CHRDL1: variants seen among roughly 807,000 people sequenced by gnomAD.
CHRDL1 encodes chordin like 1, also known as chordin-like protein 1.
CHRDL1 carries 19 observed loss-of-function variants against 40.9 expected under a neutral mutation model. The observed-to-expected ratio is 0.46, with a 90% CI of 0.32 to 0.68. The LOEUF (loss-of-function observed/expected upper bound fraction) is 0.68, where lower values mean the gene tolerates loss of function less well. Ranked by LOEUF, CHRDL1 falls within the 30% of genes least tolerant of loss-of-function variation. The pLI is 0.03. For synonymous variants in CHRDL1, 136 were observed against 123.4 expected (o/e 1.10, Z -0.68); for missense variants, 329 against 352.1 (o/e 0.93, Z 0.53).
chrX:110,771,335 A>C (rs1246403796), intron 2 of CHRDL1, among the ~76,000 whole-genome samples: 1 of 111,787 alleles, frequency 8.9e-6, no homozygotes, highest in Non-Finnish European at 1.9e-5. Flanking sequence ...TGAATATTTA[A>C]TGCAAGCTTT....
At position 110,717,765 on chromosome X, in the gene CHRDL1, G is replaced by T. The variant is rs5985547; in HGVS notation, c.541+2070C>A. Among the ~76,000 whole-genome samples, 134 of 111,963 alleles carry T rather than the reference G, an allele frequency of 1.2e-3. No homozygotes were observed. The Middle Eastern group carries it at 0.027, about 23-fold the overall frequency. ...TTGGCATAAAAATTTTTGAACAGGGGTGTAACACGGTGATGGATTGCTTTT... is the reference window on the plus strand; with the variant it reads ...TTGGCATAAAAATTTTTGAACAGGGTTGTAACACGGTGATGGATTGCTTTT... On this transcript the variant is annotated intron_variant, in intron 6 of 11. Transcript: ENST00000372042.
At chrX:110,736,665 T>A (rs1181196658) in intron 4 of CHRDL1, among the ~76,000 whole-genome samples, 1 of 111,791 alleles carries the variant, frequency 8.9e-6, no homozygotes, top group Non-Finnish European at 1.9e-5. Flanking sequence ...TACCACCTCA[T>A]CCCTGATTGA....
At chrX:110,722,189 G>T (rs1199738908) in intron 4 of CHRDL1, among the ~76,000 whole-genome samples, 1 of 109,575 alleles carries the variant, frequency 9.1e-6, no homozygotes, top group East Asian at 2.9e-4. Context: ...TAGAGATGGG[G>T]TTTCACCATG....
chrX:110,746,882 C>T (rs1158667949), intron 4 of CHRDL1, among the ~76,000 whole-genome samples: 3 of 111,787 alleles, frequency 2.7e-5, no homozygotes, highest in Admixed American at 9.5e-5. Context: ...CCCATATCAA[C>T]TTTCTTGTTC....
chrX:110,764,491 C>T (rs2089624879), intron 2 of CHRDL1, among the ~76,000 whole-genome samples: 1 of 112,198 alleles, frequency 8.9e-6, no homozygotes, highest in African/African-American at 3.2e-5. Flanking sequence ...TCTTCGTAAG[C>T]TAAGGATGTA....
chrX:110,769,903 G>T (rs2089725658), intron 2 of CHRDL1, among the ~76,000 whole-genome samples: 1 of 112,216 alleles, frequency 8.9e-6, no homozygotes, highest in Non-Finnish European at 1.9e-5. Context: ...AATATTAAAA[G>T]ATGTTCAACC....
intron 8 of CHRDL1, among the ~76,000 whole-genome samples, chrX:110,690,657 C>T (rs906095930): frequency 1.8e-5 from 2 of 110,897 alleles, no homozygotes; most frequent in Non-Finnish European, 3.8e-5. Context: ...TAATGGTGTT[C>T]GGCACTGTTT....
chrX:110,758,139 A>C (rs749694476), intron 4 of CHRDL1, among the ~76,000 whole-genome samples: 1 of 110,090 alleles, frequency 9.1e-6, no homozygotes, highest in Admixed American at 9.7e-5. Context: ...ACAAAAAAAA[A>C]AAAAACAAAG....
chrX:110,732,823 ATTTG>A (rs1212503799), intron 4 of CHRDL1, among the ~76,000 whole-genome samples: 4 of 111,153 alleles, frequency 3.6e-5, no homozygotes, highest in Non-Finnish European at 5.7e-5. Flanking sequence ...AAGTTGTACT[ATTTG>A]TTTGCTGTGT....
At chrX:110,679,840 C>A (rs1176683501) in intron 10 of CHRDL1, among the ~76,000 whole-genome samples, 2 of 112,152 alleles carry the variant, frequency 1.8e-5, no homozygotes, top group Non-Finnish European at 3.8e-5. Flanking sequence ...GCACTGAGAG[C>A]CTGCAGTGGG....
At chrX:110,742,138 TC>T (rs1321300927) in intron 4 of CHRDL1, among the ~76,000 whole-genome samples, 7 of 112,290 alleles carry the variant, frequency 6.2e-5, no homozygotes, top group Admixed American at 3.8e-4. Flanking sequence ...TCTCTTACTT[TC>T]TAAAGTAACC....
At chrX:110,795,349 T>A (rs1182252096) in intron 1 of CHRDL1, among the ~76,000 whole-genome samples, 1 of 111,975 alleles carries the variant, frequency 8.9e-6, no homozygotes, top group South Asian at 3.7e-4. Context: ...CCCTGCTACA[T>A]TAACTTTACC....
intron 8 of CHRDL1, among the ~76,000 whole-genome samples, chrX:110,693,608 A>G (rs1026491666): frequency 4.6e-5 from 5 of 109,387 alleles, no homozygotes; most frequent in Non-Finnish European, 9.5e-5. Flanking sequence ...TCCTGCCTCG[A>G]CCTCCCAAAG....
intron 4 of CHRDL1, among the ~76,000 whole-genome samples, chrX:110,744,907 C>A (rs1246071704): frequency 9.1e-6 from 1 of 109,822 alleles, no homozygotes; most frequent in African/African-American, 3.3e-5. Context: ...TTAATCCTCA[C>A]AACAGTCCTT....
At chrX:110,720,068 C>T in intron 5 of CHRDL1, 140 bp from the exon 6 acceptor site, 2 of 388,202 alleles carry the variant, frequency 5.2e-6, no homozygotes, top group Non-Finnish European at 9.0e-6. Context: ...CTCGGTACTT[C>T]CTACATTTTA....
intron 4 of CHRDL1, among the ~76,000 whole-genome samples, chrX:110,752,645 CCA>C (rs2089379675): frequency 1.8e-5 from 2 of 110,269 alleles, no homozygotes; most frequent in South Asian, 7.9e-4. Context: ...AACTCTGGAC[CCA>C]TATATATATA....
chrX:110,679,250 G>T (rs1030743237), intron 11 of CHRDL1, 86 bp downstream of exon 11: 1 of 639,400 alleles, frequency 1.6e-6, no homozygotes, highest in Non-Finnish European at 2.6e-6. Flanking sequence ...TGTTCACTGA[G>T]ATTGCGGAGG....
chrX:110,682,853 C>T lies in CHRDL1; in HGVS notation c.989-1204G>A, dbSNP rs183005850. Among the ~76,000 whole-genome samples the T allele has an allele frequency of 7.4e-3, 828 of 111,954 alleles. 6 individuals are homozygous for T. Among genetic ancestry groups the T allele is most frequent in the African/African-American group, 0.025 (780 of 30,804 alleles). On this transcript the variant is annotated intron_variant, in intron 9 of 11. Coordinates refer to ENST00000372042, the MANE Select transcript of CHRDL1 (RefSeq NM_001143981.2). ...GTGGAATCAAGCTTTTTGTTTTCCT[C>T]CTTTTGTCCTTCTTTTTAGCTATTT...
chrX:110,707,725 T>C (rs1168022921), intron 6 of CHRDL1, among the ~76,000 whole-genome samples: 1 of 111,885 alleles, frequency 8.9e-6, no homozygotes, highest in African/African-American at 3.3e-5. Context: ...ATTCAGGGCA[T>C]AGGCATGGGC....
Sources: gnomAD v4.1 joint callset for allele counts (sites outside exome capture counted in the v4.1 genomes callset) on GRCh38, gnomAD v4.1.1 for gene constraint, MANE v1.5 for transcripts, NCBI Gene and HGNC (gene_info 2026-07-23, HGNC 2026-07-21) for gene names.